Variants in RERE observed in about 807,000 individuals in gnomAD.
RERE encodes arginine-glutamic acid dipeptide repeats, also known as arginine-glutamic acid dipeptide repeats protein.
RERE carries 40 observed loss-of-function variants against 146.1 expected under a neutral mutation model. The ratio of observed to expected loss-of-function variants is 0.27; its 90% CI spans 0.21 to 0.36. RERE has a LOEUF of 0.36. Ranked by LOEUF, RERE falls within the 10% of genes least tolerant of loss-of-function variation. RERE has a pLI of 1.00. For missense variants in RERE, 1,933 were observed against 2,138.7 expected (o/e 0.90, Z 1.90); for synonymous variants, 1,003 against 866.0 (o/e 1.16, Z -2.78).
chr1:8,393,088 C>A (rs1233413305), intron 12 of RERE, among the ~76,000 whole-genome samples: 6 of 152,156 alleles, frequency 3.9e-5, no homozygotes, highest in Non-Finnish European at 8.8e-5. Flanking sequence ...GCAAGGTGCT[C>A]AGATTGGACT....
chr1:8,591,781 G>A (rs937149670), intron 4 of RERE, among the ~76,000 whole-genome samples: 6 of 152,122 alleles, frequency 3.9e-5, no homozygotes, highest in African/African-American at 1.2e-4. Flanking sequence ...TGCTTCCTTC[G>A]CAGTTCACAC....
chr1:8,375,054 A>G (rs558839226), intron 12 of RERE, among the ~76,000 whole-genome samples: 1 of 152,296 alleles, frequency 6.6e-6, no homozygotes, highest in East Asian at 1.9e-4. Context: ...GCTGGCACAG[A>G]CAGGCTTCCC....
chr1:8,745,614 A>T (rs1405376502), intron 1 of RERE, among the ~76,000 whole-genome samples: 2 of 152,146 alleles, frequency 1.3e-5, no homozygotes, highest in Non-Finnish European at 2.9e-5. Flanking sequence ...CTTCTACAGG[A>T]TTCCACGGTT....
intron 2 of RERE, among the ~76,000 whole-genome samples, chr1:8,639,532 T>C: frequency 6.6e-6 from 1 of 152,176 alleles, no homozygotes; most frequent in Non-Finnish European, 1.5e-5. Context: ...AAATCAAGTC[T>C]CCATTGTCTA....
chr1:8,645,236 G>C (rs1647258315), intron 2 of RERE, among the ~76,000 whole-genome samples: 1 of 152,126 alleles, frequency 6.6e-6, no homozygotes, highest in Non-Finnish European at 1.5e-5. Context: ...TTTGCAATCA[G>C]GCACTTTAGA....
At chr1:8,644,764 G>A (rs909655074) in intron 2 of RERE, among the ~76,000 whole-genome samples, 6 of 152,118 alleles carry the variant, frequency 3.9e-5, no homozygotes, top group Non-Finnish European at 8.8e-5. Context: ...CTGAGGAGCT[G>A]GGACTACAGA....
intron 1 of RERE, among the ~76,000 whole-genome samples, chr1:8,698,328 G>A (rs1294156874): frequency 6.6e-6 from 1 of 151,676 alleles, no homozygotes; most frequent in Admixed American, 6.5e-5. Flanking sequence ...TTATTAAAAG[G>A]CACACAAGTC....
At chr1:8,620,266 C>T (rs539828913) in intron 3 of RERE, among the ~76,000 whole-genome samples, 40 of 152,248 alleles carry the variant, frequency 2.6e-4, no homozygotes, top group African/African-American at 8.9e-4. Context: ...ATCTAAGAAT[C>T]CTGTGGGAAG....
chr1:8,675,167 A>T (rs1638805666), intron 1 of RERE, among the ~76,000 whole-genome samples: 1 of 152,276 alleles, frequency 6.6e-6, no homozygotes, highest in Non-Finnish European at 1.5e-5. Flanking sequence ...AGTGACTAAC[A>T]ATATGACTAA....
chr1:8,762,328 TC>T, intron 1 of RERE, among the ~76,000 whole-genome samples: 1 of 152,250 alleles, frequency 6.6e-6, no homozygotes. Context: ...TCCCACAAAT[TC>T]TGGTGAAAAT....
intron 2 of RERE, among the ~76,000 whole-genome samples, chr1:8,636,036 T>A (rs1647098321): frequency 6.6e-6 from 1 of 152,200 alleles, no homozygotes; most frequent in African/African-American, 2.4e-5. Flanking sequence ...TTGCCCAGGC[T>A]GGAGTGCAAT....
chr1:8,766,112 AAAC>A (rs777274448), intron 1 of RERE, among the ~76,000 whole-genome samples: 3 of 152,084 alleles, frequency 2.0e-5, no homozygotes, highest in South Asian at 2.1e-4. Context: ...CTGCATCTCA[AAAC>A]AACAACAACA....
chr1:8,732,808 C>CTTTTTTTTTTTTT (rs59337140), intron 1 of RERE, among the ~76,000 whole-genome samples: 2 of 65,730 alleles, frequency 3.0e-5, no homozygotes, highest in Non-Finnish European at 5.5e-5. Context: ...TTCAATTTTT[C>CTTTTTTTTTTTTT]TTTTTTTTTT....
Position 8,555,397 on chromosome 1 carries a change from C to T in RERE, c.725+1078G>A, listed in dbSNP as rs368843975. On this transcript the variant is annotated intron_variant, in intron 6 of 22. Transcript: ENST00000400908. The stretch of plus-strand genomic sequence containing the variant: ...AGATACCATGTGAAACATCAGCTGA[C>T]CCGAAAAGCTTGCCAAAGCCTGCCC... 1.5e-3 allele frequency among the ~76,000 whole-genome samples: 222 copies of T among 152,248 alleles called. 1 individual carries two copies. The highest frequency in any genetic ancestry group is 2.3e-3 in the Non-Finnish European group (155 of 68,026).
chr1:8,495,220 A>G, intron 9 of RERE, 58 bp from the exon 10 acceptor site: 1 of 1,273,810 alleles, frequency 7.9e-7, no homozygotes. Flanking sequence ...ACAGAGACTT[A>G]GACCTTCAAT....
At chr1:8,374,865 C>T (rs1296972606) in intron 12 of RERE, among the ~76,000 whole-genome samples, 2 of 152,192 alleles carry the variant, frequency 1.3e-5, no homozygotes, top group African/African-American at 4.8e-5. Context: ...AGCCCCTGAG[C>T]CCCATACCAC....
At chr1:8,469,711 A>T (rs1644654877) in intron 10 of RERE, among the ~76,000 whole-genome samples, 1 of 152,238 alleles carries the variant, frequency 6.6e-6, no homozygotes, top group Non-Finnish European at 1.5e-5. Flanking sequence ...CCACTCCAAA[A>T]GCAAACTGCT....
Position 8,365,850 on chromosome 1 carries a change from G to A in RERE, c.1409C>T (p.Pro470Leu). The change falls in exon 13 of 23, where the codon CCC becomes CTC. Residue 470 changes from proline (P) to leucine (L), a missense_variant. Around this residue, in one of 11 missense-constraint regions of RERE, gnomAD observed 260 missense variants for 378.4 expected, o/e 0.69. Coordinates refer to ENST00000400908, the MANE Select transcript of RERE (RefSeq NM_001042681.2). The stretch of plus-strand genomic sequence containing the variant: ...CGGGGGTCTGGAGGGTGTGTTGACG[G>A]GTGTGGACGCGGTGCGAGTCTTAAT... ...RRIKTRTASTPVNTPSRPPSS... is the reference protein window; with the variant it reads ...RRIKTRTASTLVNTPSRPPSS... 3 of 1,614,138 alleles carry A rather than the reference G, an allele frequency of 1.9e-6. No individual in the cohort carries two copies. Among genetic ancestry groups the A allele is most frequent in the Non-Finnish European group, 2.5e-6 (3 of 1,180,014 alleles).
chr1:8,500,631 C>T lies in RERE; in HGVS notation c.880-3102G>A, dbSNP rs1645120761. ...GATTGCAGCCTCTGCCCGGCCGCCA[C>T]CCCGTCTGGGAAGTGAGGAGCGTCT... On this transcript the variant is annotated intron_variant, in intron 8 of 22. Transcript: ENST00000400908. Among the ~76,000 whole-genome samples, 3 of 152,220 alleles carry T rather than the reference C, an allele frequency of 2.0e-5. No homozygotes were observed. In the South Asian group the frequency reaches 6.2e-4, roughly 32 times the overall value.
Sources: gnomAD v4.1 joint callset for allele counts (sites outside exome capture counted in the v4.1 genomes callset) on GRCh38, gnomAD v4.1.1 for gene constraint, gnomAD v4.1.1 regional missense constraint, MANE v1.5 for transcripts, NCBI Gene and HGNC (gene_info 2026-07-23, HGNC 2026-07-21) for gene names.